GTF2I: variants seen among roughly 807,000 people sequenced by gnomAD.
GTF2I encodes general transcription factor II-I.
A neutral mutation model predicts 67.6 loss-of-function variants in GTF2I; 12 were observed. That is an observed-to-expected ratio of 0.18 (90% CI 0.11 to 0.29). GTF2I has a LOEUF of 0.29. GTF2I is among the 10% of genes least tolerant of loss of function. The pLI is 1.00. For missense variants in GTF2I, 271 were observed against 580.1 expected (o/e 0.47, Z 5.47); for synonymous variants, 149 against 197.0 (o/e 0.76, Z 2.04).
At chr7:74,684,609 T>C (rs1245689792) in intron 1 of GTF2I, 3 of 152,300 alleles carry the variant, frequency 2.0e-5, no homozygotes, top group Non-Finnish European at 4.4e-5. Context: ...AGGAAACTCT[T>C]GGGATGGGCA....
chr7:74,706,356 A>C (rs782799643), intron 7 of GTF2I, 34 bp from the exon 8 acceptor site: 12 of 1,598,048 alleles, frequency 7.5e-6, no homozygotes, highest in Non-Finnish European at 1.0e-5. Flanking sequence ...TGTCACCAGC[A>C]CGTGGCTTGA....
intron 8 of GTF2I, among the ~76,000 whole-genome samples, chr7:74,707,735 A>G (rs1761534542): frequency 6.6e-6 from 1 of 152,270 alleles, no homozygotes; most frequent in East Asian, 1.9e-4. Context: ...TCATTTTGCA[A>G]ATGTTTCCCC....
In GTF2I at chr7:74,714,920, T is replaced by C; in HGVS notation, c.823+4T>C. ...CCCCTATCGAAGCCTTTGCAAGGTA[T>C]AATCTTTTCACTTCCATTCTCCCAC... On this transcript the variant is annotated splice_donor_region_variant and intron_variant, in intron 10 of 34. Coordinates refer to ENST00000573035, the MANE Select transcript of GTF2I (RefSeq NM_032999.4). 1 of 1,582,184 alleles carries C rather than the reference T, an allele frequency of 6.3e-7. No homozygotes were observed. The highest frequency in any genetic ancestry group is 8.6e-7 in the Non-Finnish European group (1 of 1,157,116).
At chr7:74,680,657 G>A (rs1180517451) in intron 1 of GTF2I, among the ~76,000 whole-genome samples, 6 of 152,100 alleles carry the variant, frequency 3.9e-5, no homozygotes, top group South Asian at 2.1e-4. Flanking sequence ...TGGGAAGATC[G>A]CTTGAACACA....
intron 17 of GTF2I, 85 bp downstream of exon 17, chr7:74,735,617 G>A: frequency 3.2e-6 from 1 of 312,366 alleles, no homozygotes. Context: ...TTTTAGGAAA[G>A]TAAATACAGT....
chr7:74,720,745 T>TTA (rs1169871738), intron 12 of GTF2I, among the ~76,000 whole-genome samples: 1 of 149,324 alleles, frequency 6.7e-6, no homozygotes, highest in Non-Finnish European at 1.5e-5. Context: ...AGCTGTATTT[T>TTA]TTTTTTTTTT....
Position 74,658,058 on chromosome 7 carries a change from G to GCCGC in GTF2I, c.-15_-12dup, listed in dbSNP as rs1804074323. On this transcript the variant is annotated 5_prime_UTR_variant, in exon 1 of 35. Coordinates refer to ENST00000573035, the MANE Select transcript of GTF2I (RefSeq NM_032999.4). ...CCGGCCCCGGAGCTGCCTGGAGGCGGCCGCACTCGGGTGAGTCCCTCTCGC... is the reference window on the plus strand; with the variant it reads ...CCGGCCCCGGAGCTGCCTGGAGGCGGCCGCCCGCACTCGGGTGAGTCCCTCTCGC... 1 of 151,566 alleles carries GCCGC rather than the reference G, an allele frequency of 6.6e-6. No homozygotes were observed. The highest frequency in any genetic ancestry group is 2.4e-5 in the African/African-American group (1 of 41,312). The allele number at this position is 151,566 out of a possible 1,614,324, so 9.4% of individuals were successfully genotyped here.
chr7:74,745,235 GCT>G (rs1795331768), intron 21 of GTF2I, among the ~76,000 whole-genome samples: 1 of 125,326 alleles, frequency 8.0e-6, no homozygotes, highest in African/African-American at 3.1e-5. Context: ...GTTTTTATCT[GCT>G]CTGTTATTCC....
At chr7:74,676,295 C>T (rs2131237404) in intron 1 of GTF2I, among the ~76,000 whole-genome samples, 1 of 152,240 alleles carries the variant, frequency 6.6e-6, no homozygotes, top group Middle Eastern at 3.4e-3. Flanking sequence ...CTACCTTAAA[C>T]ATGTTCTCAT....
Position 74,687,430 on chromosome 7 carries a change from C to T in GTF2I, c.-5-1694C>T, listed in dbSNP as rs145526139. On this transcript the variant is annotated intron_variant, in intron 1 of 34. Transcript: ENST00000573035. ...TAGAGACAGGGTTTCACCATGTTGG[C>T]CATGCTGATCTCGAACTCCTGACCT... is the stretch of plus-strand genomic sequence containing the variant. 9.1e-3 allele frequency: 1,771 copies of T among 194,002 alleles called. 16 individuals are homozygous for T. The highest frequency in any genetic ancestry group is 0.012 in the Non-Finnish European group (1,273 of 106,316). 12.0% of individuals were successfully genotyped at this position (194,002 alleles called of 1,614,324 possible).
chr7:74,680,378 GT>G (rs1300408386), intron 1 of GTF2I, among the ~76,000 whole-genome samples: 1 of 151,668 alleles, frequency 6.6e-6, no homozygotes, highest in African/African-American at 2.4e-5. Context: ...AAGAACCTCA[GT>G]TTTTATGAGG....
chr7:74,672,166 C>G (rs1289744763), intron 1 of GTF2I, among the ~76,000 whole-genome samples: 1 of 151,990 alleles, frequency 6.6e-6, no homozygotes, highest in African/African-American at 2.4e-5. Flanking sequence ...GGCTCTATTT[C>G]TTATCTGCTG....
At chr7:74,722,752 A>T (rs1793192236) in intron 12 of GTF2I, 1 of 152,228 alleles carries the variant, frequency 6.6e-6, no homozygotes. Flanking sequence ...CACGTGGCAC[A>T]CTTACTGCAG....
intron 14 of GTF2I, among the ~76,000 whole-genome samples, chr7:74,732,031 A>G (rs2131521732): frequency 6.7e-6 from 1 of 149,028 alleles, no homozygotes; most frequent in South Asian, 2.1e-4. Flanking sequence ...GGAGATTGAT[A>G]AGATAGTAAA....
At chr7:74,662,204 CTTTTTTTTTT>C (rs59914241) in intron 1 of GTF2I, among the ~76,000 whole-genome samples, 45 of 82,588 alleles carry the variant, frequency 5.4e-4, no homozygotes, top group South Asian at 1.6e-3. Flanking sequence ...TTTTTTCTTT[CTTTTTTTTTT>C]TTTTTTTTTT....
chr7:74,732,057 C>A (rs1400129264), intron 14 of GTF2I, among the ~76,000 whole-genome samples: 1 of 147,382 alleles, frequency 6.8e-6, no homozygotes, highest in Non-Finnish European at 1.5e-5. Flanking sequence ...TCACGTAATA[C>A]CTGGCATACA....
intron 6 of GTF2I, among the ~76,000 whole-genome samples, chr7:74,702,384 C>T (rs1180362564): frequency 6.6e-6 from 1 of 152,164 alleles, no homozygotes. Flanking sequence ...CGCGCCACCA[C>T]ACCCGGCTAA....
chr7:74,713,013 A>G (rs1049114004), intron 9 of GTF2I, among the ~76,000 whole-genome samples: 20 of 152,150 alleles, frequency 1.3e-4, no homozygotes, highest in African/African-American at 4.3e-4. Context: ...GATTTTCTCA[A>G]TGAGTGGTAG....
At chr7:74,716,862 G>C (rs782318850) in intron 10 of GTF2I, 32 bp from the exon 11 acceptor site, 1 of 1,452,302 alleles carries the variant, frequency 6.9e-7, no homozygotes, top group African/African-American at 1.4e-5. Flanking sequence ...AGTTTTTATT[G>C]GTTTATTATA....
Sources: gnomAD v4.1 joint callset for allele counts (sites outside exome capture counted in the v4.1 genomes callset) on GRCh38, gnomAD v4.1.1 for gene constraint, MANE v1.5 for transcripts, NCBI Gene and HGNC (gene_info 2026-07-23, HGNC 2026-07-21) for gene names.